NLGN1: variants seen among roughly 807,000 people sequenced by gnomAD.
The protein encoded by NLGN1 is neuroligin-1.
NLGN1 carries 12 observed loss-of-function variants against 65.5 expected under a neutral mutation model. The observed-to-expected ratio is 0.18, with a 90% CI of 0.12 to 0.30. NLGN1 has a LOEUF of 0.30. NLGN1 is among the 10% of genes least tolerant of loss of function. The pLI is 1.00. For synonymous variants in NLGN1, 350 were observed against 359.5 expected (o/e 0.97, Z 0.30); for missense variants, 750 against 1,007.1 (o/e 0.74, Z 3.46).
intron 2 of NLGN1, among the ~76,000 whole-genome samples, chr3:173,489,236 AC>A (rs1728688572): frequency 7.1e-6 from 1 of 141,092 alleles, no homozygotes; most frequent in Admixed American, 7.1e-5. Flanking sequence ...CCTCCCCCTT[AC>A]CCCCACCCCA....
At chr3:173,518,382 T>C (rs1466510629) in intron 2 of NLGN1, among the ~76,000 whole-genome samples, 1 of 151,422 alleles carries the variant, frequency 6.6e-6, no homozygotes, top group African/African-American at 2.4e-5. Flanking sequence ...TTATACAGAG[T>C]TATAGATATT....
At chr3:173,981,455 G>A (rs983604233) in intron 4 of NLGN1, among the ~76,000 whole-genome samples, 4 of 152,142 alleles carry the variant, frequency 2.6e-5, no homozygotes, top group Admixed American at 1.3e-4. Flanking sequence ...TGCTGGAAGA[G>A]TTGAGGTCAT....
At chr3:174,276,020 A>ATTG (rs1750493363) in intron 5 of NLGN1, among the ~76,000 whole-genome samples, 1 of 151,892 alleles carries the variant, frequency 6.6e-6, no homozygotes, top group Non-Finnish European at 1.5e-5. Flanking sequence ...TACAGAATGG[A>ATTG]TTGTTGATTA....
chr3:173,885,386 G>C (rs370467564), intron 4 of NLGN1, among the ~76,000 whole-genome samples: 1 of 151,968 alleles, frequency 6.6e-6, no homozygotes, highest in East Asian at 1.9e-4. Context: ...TATACAGTAG[G>C]TGGTTGAAAA....
At chr3:173,744,760 A>G (rs1454617286) in intron 3 of NLGN1, among the ~76,000 whole-genome samples, 1 of 151,940 alleles carries the variant, frequency 6.6e-6, no homozygotes, top group East Asian at 1.9e-4. Flanking sequence ...CCCTTTCCCT[A>G]TGATCTCACC....
At chr3:173,499,514 G>A (rs149945473) in intron 2 of NLGN1, among the ~76,000 whole-genome samples, 1,558 of 151,770 alleles carry the variant, frequency 0.01, 57 homozygotes, top group African/African-American at 0.036. Flanking sequence ...GTTCTTTTGC[G>A]TTAGGATTGA....
In NLGN1 at chr3:174,280,401, A is replaced by G. The variant is rs903187572; in HGVS notation, c.1650-80A>G. The G allele has an allele frequency of 4.3e-6, 4 of 928,982 alleles. No homozygotes were observed. In the African/African-American group the frequency reaches 6.8e-5, roughly 16 times the overall value. The allele number at this position is 928,982 out of a possible 1,614,324, so 57.5% of individuals were successfully genotyped here. The stretch of plus-strand genomic sequence containing the variant: ...AAAGCATTGCTGAGTCATCTATTTA[A>G]TTATTAGATGTTAAAGTAGTGTGAT... On this transcript the variant is annotated intron_variant, in intron 6 of 6. Coordinates refer to ENST00000457714, the Ensembl canonical transcript of NLGN1. This position sits in a 1 kb window ranked among gnomAD's most constrained non-coding sequence, Gnocchi z 4.9.
intron 4 of NLGN1, among the ~76,000 whole-genome samples, chr3:174,138,354 TTTTAGTTGTAA>T (rs964177674): frequency 1.1e-4 from 16 of 152,256 alleles, no homozygotes; most frequent in African/African-American, 3.6e-4. Flanking sequence ...CAAGCCTTCA[TTTTAGTTGTAA>T]TTTAGAATAT....
intron 3 of NLGN1, among the ~76,000 whole-genome samples, chr3:173,620,835 G>T (rs1310800802): frequency 2.6e-5 from 4 of 152,042 alleles, no homozygotes; most frequent in South Asian, 2.1e-4. Flanking sequence ...AACATGCAGA[G>T]ACAGGAAATC....
chr3:173,445,650 C>T (rs1720130167), intron 2 of NLGN1, among the ~76,000 whole-genome samples: 1 of 152,204 alleles, frequency 6.6e-6, no homozygotes, highest in South Asian at 2.1e-4. Flanking sequence ...TTTTCTTCCA[C>T]ATTAAATGGC....
intron 3 of NLGN1, among the ~76,000 whole-genome samples, chr3:173,762,965 T>TACACACAC (rs111427276): frequency 0.053 from 7,580 of 143,264 alleles, 331 homozygotes; most frequent in East Asian, 0.19. Context: ...TTGTCTCTGA[T>TACACACAC]ACACACACAC....
At chr3:173,654,627 G>A (rs549248506) in intron 3 of NLGN1, among the ~76,000 whole-genome samples, 1 of 152,226 alleles carries the variant, frequency 6.6e-6, no homozygotes, top group South Asian at 2.1e-4. Flanking sequence ...TGATATATAT[G>A]TTTAATGTAG....
chr3:173,460,902 G>T (rs9854543), intron 2 of NLGN1, among the ~76,000 whole-genome samples: 2 of 152,002 alleles, frequency 1.3e-5, no homozygotes, highest in Non-Finnish European at 2.9e-5. Context: ...ATGCTCTCTC[G>T]CCAGCCCTAA....
intron 4 of NLGN1, among the ~76,000 whole-genome samples, chr3:173,952,777 CTTTTTT>C (rs201322891): frequency 7.2e-6 from 1 of 138,112 alleles, no homozygotes; most frequent in African/African-American, 2.7e-5. Flanking sequence ...TAAAATTTAC[CTTTTTT>C]TTTTTTTTTT....
chr3:174,224,182 A>G (rs73168494), intron 4 of NLGN1, among the ~76,000 whole-genome samples: 114 of 152,348 alleles, frequency 7.5e-4, no homozygotes, highest in Non-Finnish European at 1.6e-3. Context: ...GAAATGGCCA[A>G]TAAAGAATGC....
At chr3:174,288,155 A>T (rs1752342630), downstream of NLGN1, among the ~76,000 whole-genome samples, 1 of 151,566 alleles carries the variant, frequency 6.6e-6, no homozygotes, top group African/African-American at 2.4e-5. Flanking sequence ...CATGTCTCAA[A>T]ATAGTAAATA....
chr3:173,892,350 G>A (rs1228350432), intron 4 of NLGN1, among the ~76,000 whole-genome samples: 4 of 151,668 alleles, frequency 2.6e-5, no homozygotes, highest in Non-Finnish European at 5.9e-5. Flanking sequence ...TTTCAGATAT[G>A]TTGTGACCTT....
intron 2 of NLGN1, among the ~76,000 whole-genome samples, chr3:173,463,561 C>T (rs555791473): frequency 6.6e-6 from 1 of 152,268 alleles, no homozygotes; most frequent in South Asian, 2.1e-4. Flanking sequence ...TTATCATCAT[C>T]GTTGTCATTG....
chr3:173,640,694 G>A lies in NLGN1; in HGVS notation c.493+35603G>A, dbSNP rs374173242. Among the ~76,000 whole-genome samples, 68 of 152,184 alleles carry A rather than the reference G, an allele frequency of 4.5e-4. 2 individuals carry two copies. Among genetic ancestry groups the A allele is most frequent in the East Asian group, 2.7e-3 (14 of 5,188 alleles). ...AGGAGTTAATCAAAATTCATGAACC[G>A]TCCATTTACTATGTCTTAAATTAGT... On this transcript the variant is annotated intron_variant, in intron 3 of 6. Coordinates refer to ENST00000457714, the Ensembl canonical transcript of NLGN1.
Sources: gnomAD v4.1 joint callset for allele counts (sites outside exome capture counted in the v4.1 genomes callset) on GRCh38, gnomAD v4.1.1 for gene constraint, Gnocchi (gnomAD v3.1) non-coding constraint, MANE v1.5 for transcripts, NCBI Gene and HGNC (gene_info 2026-07-23, HGNC 2026-07-21) for gene names.